Variants in ZBBX observed in about 807,000 individuals in gnomAD.
The protein encoded by ZBBX is zinc finger B-box domain containing.
A neutral mutation model predicts 108.5 loss-of-function variants in ZBBX; 101 were observed. The observed-to-expected ratio is 0.93, with a 90% CI of 0.79 to 1.10. ZBBX has a LOEUF of 1.10. ZBBX is among the 50% of genes least tolerant of loss of function. The pLI, the probability that ZBBX is intolerant of heterozygous loss-of-function variation, is 0.00. For missense variants in ZBBX, 1,009 were observed against 941.4 expected (o/e 1.07, Z -0.94); for synonymous variants, 356 against 323.4 (o/e 1.10, Z -1.08).
At chr3:167,273,506 G>C (rs1375881354) in intron 20 of ZBBX, among the ~76,000 whole-genome samples, 1 of 152,158 alleles carries the variant, frequency 6.6e-6, no homozygotes, top group Non-Finnish European at 1.5e-5. Context: ...TCGGTCTTCT[G>C]CTCATTTCAC....
the ZBBX span, among the ~76,000 whole-genome samples, chr3:167,183,755 C>T: frequency 6.6e-6 from 1 of 152,178 alleles, no homozygotes; most frequent in Non-Finnish European, 1.5e-5. Context: ...CCTGGGTGGG[C>T]CAGGTGTTCC....
intron 11 of ZBBX, among the ~76,000 whole-genome samples, chr3:167,325,564 G>T (rs1737224081): frequency 6.6e-6 from 1 of 152,096 alleles, no homozygotes. Flanking sequence ...CATAACACCT[G>T]GTATGGACGT....
intron 8 of ZBBX, among the ~76,000 whole-genome samples, chr3:167,357,767 G>A (rs1287595644): frequency 6.6e-6 from 1 of 151,968 alleles, no homozygotes; most frequent in African/African-American, 2.4e-5. Flanking sequence ...CAAAGACTTG[G>A]AACCAACCCA....
At position 167,359,431 on chromosome 3, in the gene ZBBX, TA is replaced by T. The variant is rs1358905977; in HGVS notation, c.432+438del. 5.9e-5 allele frequency among the ~76,000 whole-genome samples: 9 copies of T among 152,030 alleles called. No homozygotes were observed. In the South Asian group the frequency reaches 1.9e-3, roughly 32 times the overall value. On this transcript the variant is annotated intron_variant, in intron 8 of 21. Coordinates refer to ENST00000675490, the MANE Select transcript of ZBBX (RefSeq NM_001199201.2). Reference sequence around the variant, plus strand: ...CTCATAGTAAATTATGCCTCAATATTAAAAAAATAGACAATGGGAGGATAGA... The same window carrying T: ...CTCATAGTAAATTATGCCTCAATATTAAAAAATAGACAATGGGAGGATAGA...
intron 20 of ZBBX, among the ~76,000 whole-genome samples, chr3:167,253,963 T>C (rs1723047387): frequency 6.6e-6 from 1 of 152,108 alleles, no homozygotes; most frequent in African/African-American, 2.4e-5. Flanking sequence ...AGCAACAACA[T>C]GACAGGCATC....
At chr3:167,258,854 T>C (rs1489111182) in intron 20 of ZBBX, among the ~76,000 whole-genome samples, 1 of 152,212 alleles carries the variant, frequency 6.6e-6, no homozygotes, top group Non-Finnish European at 1.5e-5. Flanking sequence ...CTTTTTGATA[T>C]ATTGTTGGAT....
At chr3:167,237,913 T>C (rs573997194), downstream of ZBBX, among the ~76,000 whole-genome samples, 14 of 152,098 alleles carry the variant, frequency 9.2e-5, no homozygotes, top group African/African-American at 3.1e-4. Flanking sequence ...ACTCAAGCTA[T>C]GGCTGAATAC....
At chr3:167,407,494 T>A (rs1294371544) in intron 1 of ZBBX, among the ~76,000 whole-genome samples, 2 of 151,862 alleles carry the variant, frequency 1.3e-5, no homozygotes, top group Non-Finnish European at 2.9e-5. Flanking sequence ...AATTTTTGAC[T>A]CCCCCAAAAC....
chr3:167,254,471 T>A (rs1291105490), intron 20 of ZBBX, among the ~76,000 whole-genome samples: 1 of 152,134 alleles, frequency 6.6e-6, no homozygotes, highest in South Asian at 2.1e-4. Context: ...ATGACTTTTT[T>A]AAAAGTCAAG....
At chr3:167,290,285 G>C (rs1463938006) in intron 18 of ZBBX, among the ~76,000 whole-genome samples, 2 of 152,186 alleles carry the variant, frequency 1.3e-5, no homozygotes, top group Admixed American at 1.3e-4. Context: ...GAGGCCGACA[G>C]ACACCTCTTA....
chr3:167,391,260 T>G (rs1038964946), intron 1 of ZBBX, among the ~76,000 whole-genome samples: 1 of 152,114 alleles, frequency 6.6e-6, no homozygotes, highest in Non-Finnish European at 1.5e-5. Context: ...TTTTTGTTAT[T>G]GGTTTTGTTT....
chr3:167,399,412 T>C (rs1039393158), intron 1 of ZBBX: 8 of 152,268 alleles, frequency 5.3e-5, no homozygotes, highest in Admixed American at 3.9e-4. Context: ...CCTTCTACTA[T>C]TGTCTACTCT....
chr3:167,273,432 C>T (rs1726893216), intron 20 of ZBBX, among the ~76,000 whole-genome samples: 1 of 152,116 alleles, frequency 6.6e-6, no homozygotes, highest in South Asian at 2.1e-4. Flanking sequence ...TTGTGGCAAG[C>T]TCTCTCTCTG....
the ZBBX span, among the ~76,000 whole-genome samples, chr3:167,200,191 G>C: frequency 2.0e-5 from 3 of 151,846 alleles, no homozygotes; most frequent in Non-Finnish European, 2.9e-5. Context: ...TCCAAATAAG[G>C]GTCACATTCT....
chr3:167,233,846 C>T, the ZBBX span, among the ~76,000 whole-genome samples: 101 of 151,922 alleles, frequency 6.6e-4, no homozygotes, highest in Non-Finnish European at 9.3e-4. Flanking sequence ...CATATCTCAA[C>T]AATCCTGTGA....
chr3:167,344,292 T>C (rs1741067028), intron 9 of ZBBX, among the ~76,000 whole-genome samples: 1 of 151,872 alleles, frequency 6.6e-6, no homozygotes, highest in Non-Finnish European at 1.5e-5. Flanking sequence ...ATTATGCTAA[T>C]AGTTTCACTT....
intron 9 of ZBBX, among the ~76,000 whole-genome samples, chr3:167,348,618 T>A (rs1742119972): frequency 6.6e-6 from 1 of 152,108 alleles, no homozygotes; most frequent in African/African-American, 2.4e-5. Flanking sequence ...ACACATTTTT[T>A]ATTTGTCAAT....
At chr3:167,380,536 C>T (rs993932657), upstream of ZBBX, 1 of 152,148 alleles carries the variant, frequency 6.6e-6, no homozygotes, top group Non-Finnish European at 1.5e-5. Context: ...TGTCATATTC[C>T]AAGCACAAGT....
At chr3:167,260,179 T>C (rs947427344) in intron 20 of ZBBX, among the ~76,000 whole-genome samples, 3 of 152,216 alleles carry the variant, frequency 2.0e-5, no homozygotes, top group Admixed American at 6.5e-5. Flanking sequence ...TTCTAGCTTA[T>C]AGGGTTTCTG....
Sources: gnomAD v4.1 joint callset for allele counts (sites outside exome capture counted in the v4.1 genomes callset) on GRCh38, gnomAD v4.1.1 for gene constraint, MANE v1.5 for transcripts, NCBI Gene and HGNC (gene_info 2026-07-23, HGNC 2026-07-21) for gene names.